Variants in ATP12A observed in about 807,000 individuals in gnomAD.
The protein encoded by ATP12A is ATPase H+/K+ transporting non-gastric alpha2 subunit.
In ATP12A, 81 loss-of-function variants were observed where a neutral mutation model predicts 111.2. That is an observed-to-expected ratio of 0.73 (90% confidence interval 0.61 to 0.88). The LOEUF (loss-of-function observed/expected upper bound fraction) is 0.88, where lower values mean the gene tolerates loss of function less well. Among genes scored for constraint, ATP12A ranks in the 40% least tolerant of loss-of-function variants. The pLI, the probability that ATP12A is intolerant of heterozygous loss-of-function variation, is 0.00. For missense variants in ATP12A, 1,196 were observed against 1,313.1 expected (o/e 0.91, Z 1.38); for synonymous variants, 498 against 499.8 (o/e 1.00, Z 0.05).
At chr13:24,694,329 A>AT in intron 10 of ATP12A, 115 bp from the exon 11 acceptor site, 1 of 1,336,156 alleles carries the variant, frequency 7.5e-7, no homozygotes, top group South Asian at 1.4e-5. Flanking sequence ...TCACGTGATA[A>AT]TGTCTCTCCA....
intron 1 of ATP12A, 125 bp from the exon 2 acceptor site, chr13:24,681,437 A>AG: frequency 8.5e-7 from 1 of 1,172,348 alleles, no homozygotes; most frequent in Non-Finnish European, 1.2e-6. Context: ...CGGCCTCCCC[A>AG]GAGGAGGGAA....
intron 11 of ATP12A, among the ~76,000 whole-genome samples, chr13:24,695,038 C>T (rs1461630816): frequency 4.6e-5 from 7 of 152,310 alleles, no homozygotes; most frequent in South Asian, 2.1e-4. Flanking sequence ...GTTCCATGTT[C>T]GCATCCGGCC....
chr13:24,705,020 T>C (rs536051585), intron 14 of ATP12A, among the ~76,000 whole-genome samples: 7 of 152,310 alleles, frequency 4.6e-5, no homozygotes, highest in Admixed American at 4.6e-4. Flanking sequence ...TTTGTTTTGT[T>C]TTTTTGCCAG....
Position 24,692,474 on chromosome 13 carries a change from C to T in ATP12A, c.1114C>T (p.Leu372=), listed in dbSNP as rs1566072138. ...TAKRMAKKNC[L]VKNLEAVETL... ...AAAACGGATGGCCAAGAAGAACTGCCTGGTGAAGAACCTGGAGGCTGTGGA... is the reference window on the plus strand; with the variant it reads ...AAAACGGATGGCCAAGAAGAACTGCTTGGTGAAGAACCTGGAGGCTGTGGA... Residue 372 remains leucine, a synonymous_variant, in exon 9 of 23, where the codon CTG becomes TTG. Transcript: ENST00000381946. The T allele has an allele frequency of 6.2e-7, 1 of 1,614,174 alleles. No individual in the cohort carries two copies. Among genetic ancestry groups the T allele is most frequent in the Admixed American group, 1.7e-5 (1 of 60,012 alleles).
At chr13:24,684,749 C>A (rs1442591746) in intron 2 of ATP12A, among the ~76,000 whole-genome samples, 1 of 152,248 alleles carries the variant, frequency 6.6e-6, no homozygotes, top group African/African-American at 2.4e-5. Flanking sequence ...TCACAAGTGG[C>A]AGCCACAATG....
intron 20 of ATP12A, 22 bp downstream of exon 20, chr13:24,710,615 C>T: frequency 2.5e-6 from 4 of 1,613,816 alleles, no homozygotes. Flanking sequence ...GCCCGGCCTC[C>T]TGGGGCAGCC....
intron 3 of ATP12A, among the ~76,000 whole-genome samples, chr13:24,687,234 G>A (rs1255766836): frequency 6.6e-6 from 1 of 152,154 alleles, no homozygotes; most frequent in Non-Finnish European, 1.5e-5. Flanking sequence ...GCCAAGGTGG[G>A]CAGATCACTT....
chr13:24,702,427 G>A (rs113840943), intron 14 of ATP12A, among the ~76,000 whole-genome samples: 339 of 152,308 alleles, frequency 2.2e-3, no homozygotes, highest in African/African-American at 7.7e-3. Context: ...ATTTGGAATC[G>A]TAAGAACCCT....
At chr13:24,709,875 G>A in intron 19 of ATP12A, 47 bp downstream of exon 19, 1 of 1,607,648 alleles carries the variant, frequency 6.2e-7, no homozygotes, top group Non-Finnish European at 8.5e-7. Context: ...TTCTCTCCAT[G>A]CTCATTGCCC....
chr13:24,696,225 G>A lies in ATP12A; in HGVS notation c.1512+1647G>A, dbSNP rs191025471. ...TAGAGGATGAGGAGGTTGAGGTGCC[G>A]CGCATCAGTGCACAGTGTGAAGATG... On this transcript the variant is annotated intron_variant, in intron 11 of 22. Transcript: ENST00000381946. Among the ~76,000 whole-genome samples the A allele has an allele frequency of 4.6e-5, 7 of 152,220 alleles. No homozygotes were observed. In the East Asian group the frequency reaches 9.6e-4, roughly 21 times the overall value.
intron 2 of ATP12A, among the ~76,000 whole-genome samples, chr13:24,682,011 A>ATGGTGTGTGTAGTGTG (rs1874465471): frequency 1.5e-5 from 1 of 67,932 alleles, no homozygotes; most frequent in Admixed American, 1.7e-4. Flanking sequence ...GTGTGTGTAT[A>ATGGTGTGTGTAGTGTG]TGGTGTGTGT....
intron 11 of ATP12A, among the ~76,000 whole-genome samples, chr13:24,698,267 C>A (rs1875250745): frequency 6.6e-6 from 1 of 152,116 alleles, no homozygotes; most frequent in Admixed American, 6.5e-5. Context: ...CCCTCCTGAG[C>A]TCAGAATAGT....
intron 11 of ATP12A, among the ~76,000 whole-genome samples, chr13:24,697,507 G>T (rs1875214610): frequency 6.6e-6 from 1 of 151,976 alleles, no homozygotes. Flanking sequence ...GGGCATGGTG[G>T]CACATACCTG....
chr13:24,707,236 G>A, intron 16 of ATP12A, 43 bp from the exon 17 acceptor site: 1 of 1,613,600 alleles, frequency 6.2e-7, no homozygotes, highest in Non-Finnish European at 8.5e-7. Context: ...GGGTGGTCTG[G>A]GGGACTAGAA....
At chr13:24,700,540 C>G (rs1186557212) in intron 12 of ATP12A, among the ~76,000 whole-genome samples, 1 of 152,188 alleles carries the variant, frequency 6.6e-6, no homozygotes, top group Non-Finnish European at 1.5e-5. Flanking sequence ...AACACAGAGC[C>G]TAATGAGCTC....
At chr13:24,692,289 G>A (rs908729427) in intron 8 of ATP12A, 140 bp from the exon 9 acceptor site, 42 of 857,010 alleles carry the variant, frequency 4.9e-5, no homozygotes, top group South Asian at 1.2e-4. Context: ...GCTTAGCTGC[G>A]CTGACAACCA....
rs1249238367 is a variant in ATP12A at position 24,700,750 on chromosome 13, T to G, written c.1709T>G (p.Phe570Cys). 1.9e-6 allele frequency: 3 copies of G among 1,613,222 alleles called. No homozygotes were observed. The African/African-American group carries it at 4.0e-5, about 22-fold the overall frequency. Residue 570 changes from phenylalanine to cysteine, a missense_variant, in exon 13 of 23, where the codon TTC (phenylalanine) becomes TGC (cysteine). Physicochemically the swap from Phe to Cys is radical, Grantham distance 205. Coordinates refer to ENST00000381946, the MANE Select transcript of ATP12A (RefSeq NM_001676.7). ...LGGLGERVLG[F>C]CHLYLPADEF... ...CACTAATTCATCTGTATTACAGGTT[T>G]CTGTCATCTCTACCTGCCAGCAGAC...
Position 24,700,820 on chromosome 13 carries a change from T to C in ATP12A, c.1779T>C (p.Phe593=), listed in dbSNP as rs764999657. 4.3e-6 allele frequency: 7 copies of C among 1,614,072 alleles called. No homozygotes were observed. In the Admixed American group the frequency reaches 1.2e-4, roughly 27 times the overall value. Residue 593 remains phenylalanine, a synonymous_variant, in exon 13 of 23, where the codon TTT becomes TTC. Transcript: ENST00000381946. ...CATTTGACATAGACGCTATGAACTT[T>C]CCGACCTCCAACCTCTGTTTTGTGG... ...TYSFDIDAMN[F]PTSNLCFVGL... is the part of the protein sequence containing the mutation.
At chr13:24,699,797 C>T (rs1022226882) in intron 12 of ATP12A, among the ~76,000 whole-genome samples, 4 of 152,238 alleles carry the variant, frequency 2.6e-5, no homozygotes, top group East Asian at 1.9e-4. Context: ...CACAGAATGA[C>T]AAATTCAAGG....
Sources: allele counts gnomAD v4.1 joint callset (sites outside exome capture counted in the v4.1 genomes callset), GRCh38; gene constraint gnomAD v4.1.1; transcripts MANE v1.5; gene names NCBI Gene and HGNC (gene_info 2026-07-23, HGNC 2026-07-21).